Variants in MACC1 observed in about 807,000 individuals in gnomAD.
MACC1 encodes MET transcriptional regulator MACC1, also known as metastasis-associated in colon cancer protein 1.
In MACC1, 79 loss-of-function variants were observed where a neutral mutation model predicts 70.7. The observed-to-expected ratio is 1.12, with a 90% CI of 0.93 to 1.35. The LOEUF is 1.35. Among genes scored for constraint, MACC1 ranks in the 40% most tolerant of loss-of-function variants. MACC1 has a pLI of 0.00. For missense variants in MACC1, 1,106 were observed against 978.1 expected, an observed-to-expected ratio of 1.13 and a Z score of -1.74; for synonymous variants, 361 against 347.2, an observed-to-expected ratio of 1.04 and a Z score of -0.44.
chr7:20,214,165 C>A (rs936356163), intron 1 of MACC1, among the ~76,000 whole-genome samples: 2 of 152,142 alleles, frequency 1.3e-5, no homozygotes, highest in Admixed American at 1.3e-4. Context: ...TGGATTTCCA[C>A]AGTTGGCTCC....
At chr7:20,197,807 C>T (rs1035671439) in intron 1 of MACC1, among the ~76,000 whole-genome samples, 2 of 152,164 alleles carry the variant, frequency 1.3e-5, no homozygotes, top group Non-Finnish European at 2.9e-5. Flanking sequence ...GTTTCAATCA[C>T]GTATTTATCA....
At chr7:20,200,263 A>AAGATTAGT (rs202080564) in intron 1 of MACC1, among the ~76,000 whole-genome samples, 1 of 43,444 alleles carries the variant, frequency 2.3e-5, no homozygotes, top group Admixed American at 3.2e-4. Flanking sequence ...GTAGATTTAA[A>AAGATTAGT]AGATTTAAAA....
chr7:20,143,022 G>A (rs575205668), intron 6 of MACC1, among the ~76,000 whole-genome samples: 4 of 152,160 alleles, frequency 2.6e-5, no homozygotes, highest in South Asian at 4.1e-4. Context: ...GTAAAGCATC[G>A]CAGAAAACAG....
At chr7:20,179,523 T>C in intron 1 of MACC1, among the ~76,000 whole-genome samples, 1 of 152,216 alleles carries the variant, frequency 6.6e-6, no homozygotes, top group South Asian at 2.1e-4. Context: ...GTATTGCTTC[T>C]GTCCCATGAT....
intron 1 of MACC1, among the ~76,000 whole-genome samples, chr7:20,180,353 G>T (rs990355231): frequency 6.6e-6 from 1 of 151,544 alleles, no homozygotes; most frequent in Non-Finnish European, 1.5e-5. Context: ...TGAGGCAGGA[G>T]AATTGCTTGA....
chr7:20,207,240 A>C (rs1782926061), intron 1 of MACC1, among the ~76,000 whole-genome samples: 1 of 151,804 alleles, frequency 6.6e-6, no homozygotes, highest in Non-Finnish European at 1.5e-5. Context: ...TCCTAGGTTC[A>C]AGCGATTCTC....
At chr7:20,147,440 T>C (rs1781909513) in intron 6 of MACC1, 1 of 152,242 alleles carries the variant, frequency 6.6e-6, no homozygotes, top group Admixed American at 6.5e-5. Context: ...CAACACTTCA[T>C]TTTCAGTACC....
At chr7:20,152,043 T>C (rs768842994) in intron 6 of MACC1, among the ~76,000 whole-genome samples, 9 of 152,170 alleles carry the variant, frequency 5.9e-5, no homozygotes, top group Non-Finnish European at 1.2e-4. Flanking sequence ...AAGGATTACA[T>C]TAATTAATTT....
intron 6 of MACC1, among the ~76,000 whole-genome samples, chr7:20,147,754 T>C (rs1781914817): frequency 6.6e-6 from 1 of 152,152 alleles, no homozygotes; most frequent in Admixed American, 6.6e-5. Context: ...TGGGTGAGAA[T>C]AACCACTTGG....
rs983469410 is a variant in MACC1 at position 20,139,540 on chromosome 7, C to G, written c.*1406G>C. 6.6e-6 allele frequency: 1 copy of G among 152,166 alleles called. No individual in the cohort carries two copies. The highest frequency in any genetic ancestry group is 1.5e-5 in the Non-Finnish European group (1 of 68,040). 9.4% of individuals were successfully genotyped at this position (152,166 alleles called of 1,614,324 possible). On this transcript the variant is annotated 3_prime_UTR_variant, in exon 7 of 7. Coordinates refer to ENST00000400331, the MANE Select transcript of MACC1 (RefSeq NM_182762.4). ...TAAAATTATCTATTACTTAGCACTA[C>G]TAAAGTCAGAGTTCATGCTGGTTTT... is the stretch of plus-strand genomic sequence containing the variant.
chr7:20,179,822 T>C (rs1174392772), intron 1 of MACC1, among the ~76,000 whole-genome samples: 1 of 152,218 alleles, frequency 6.6e-6, no homozygotes, highest in African/African-American at 2.4e-5. Context: ...CTCAATCTAC[T>C]TACTAAAGCC....
At chr7:20,208,906 C>T (rs1464059950) in intron 1 of MACC1, among the ~76,000 whole-genome samples, 1 of 152,214 alleles carries the variant, frequency 6.6e-6, no homozygotes, top group Non-Finnish European at 1.5e-5. Context: ...GCTGCTTCAC[C>T]TCCAGTCATG....
intron 6 of MACC1, among the ~76,000 whole-genome samples, chr7:20,144,978 C>T (rs1194119998): frequency 1.3e-5 from 2 of 152,100 alleles, no homozygotes; most frequent in African/African-American, 4.8e-5. Context: ...ATAATAACAT[C>T]CCAAAAAGGA....
chr7:20,163,640 C>A (rs1458496512), intron 3 of MACC1, among the ~76,000 whole-genome samples: 2 of 152,194 alleles, frequency 1.3e-5, no homozygotes, highest in African/African-American at 4.8e-5. Context: ...GTCAGTATCT[C>A]ATGTCTGGGA....
At chr7:20,166,047 C>T (rs1031122511) in intron 2 of MACC1, among the ~76,000 whole-genome samples, 5 of 152,254 alleles carry the variant, frequency 3.3e-5, no homozygotes, top group African/African-American at 1.2e-4. Context: ...AGAATTATTT[C>T]TTTAAAATGT....
At chr7:20,173,726 G>A (rs1185678309) in intron 1 of MACC1, among the ~76,000 whole-genome samples, 2 of 152,068 alleles carry the variant, frequency 1.3e-5, no homozygotes, top group Non-Finnish European at 2.9e-5. Context: ...ATACCATCTT[G>A]GCCCAACTAA....
At chr7:20,208,352 G>A (rs151009325) in intron 1 of MACC1, among the ~76,000 whole-genome samples, 49 of 152,302 alleles carry the variant, frequency 3.2e-4, no homozygotes, top group Middle Eastern at 3.4e-3. Context: ...AGTTTGGAAC[G>A]TCTTAGAGAC....
chr7:20,182,799 C>G (rs551311632), intron 1 of MACC1, among the ~76,000 whole-genome samples: 1 of 151,992 alleles, frequency 6.6e-6, no homozygotes, highest in African/African-American at 2.4e-5. Context: ...GGCCCTTTCA[C>G]AGAATAGACA....
chr7:20,188,635 A>G (rs1287441135), intron 1 of MACC1, among the ~76,000 whole-genome samples: 1 of 151,994 alleles, frequency 6.6e-6, no homozygotes, highest in Non-Finnish European at 1.5e-5. Context: ...CCTTTATCCA[A>G]AAATATTTTT....
Sources: gnomAD v4.1 joint callset for allele counts (sites outside exome capture counted in the v4.1 genomes callset) on GRCh38, gnomAD v4.1.1 for gene constraint, MANE v1.5 for transcripts, NCBI Gene and HGNC (gene_info 2026-07-23, HGNC 2026-07-21) for gene names.